KIDINS220: variants seen among roughly 807,000 people sequenced by gnomAD.
KIDINS220 encodes the protein kinase D interacting substrate 220.
In KIDINS220, 63 loss-of-function variants were observed where a neutral mutation model predicts 157.6. The ratio of observed to expected loss-of-function variants is 0.40; its 90% CI spans 0.33 to 0.49. The LOEUF is 0.49. KIDINS220 is among the 20% of genes least tolerant of loss of function. The probability of loss-of-function intolerance (pLI) is 0.66; values close to 1 mark genes in which losing one functional copy is unlikely to be tolerated. For synonymous variants in KIDINS220, 732 were observed against 783.6 expected (o/e 0.93, Z 1.10); for missense variants, 1,772 against 2,171.2 (o/e 0.82, Z 3.65).
chr2:8,814,526 T>C (rs1309276426), intron 4 of KIDINS220, among the ~76,000 whole-genome samples: 1 of 152,094 alleles, frequency 6.6e-6, no homozygotes, highest in African/African-American at 2.4e-5. Flanking sequence ...GGAAGGGAAG[T>C]AGGCACTCTT....
chr2:8,789,376 C>G (rs965059052), intron 14 of KIDINS220, among the ~76,000 whole-genome samples: 3 of 149,370 alleles, frequency 2.0e-5, no homozygotes, highest in Non-Finnish European at 3.0e-5. Context: ...CAACCTCCCC[C>G]TCCCAGGTTC....
downstream of KIDINS220, among the ~76,000 whole-genome samples, chr2:8,725,822 G>A (rs115396843): frequency 3.9e-5 from 6 of 152,264 alleles, no homozygotes; most frequent in African/African-American, 9.6e-5. Flanking sequence ...ATTTACTCAC[G>A]TTCTAAGAAT....
intron 4 of KIDINS220, among the ~76,000 whole-genome samples, chr2:8,817,353 T>C (rs545773373): frequency 2.6e-4 from 40 of 152,206 alleles, no homozygotes; most frequent in Non-Finnish European, 5.4e-4. Context: ...AACATTGATA[T>C]ATTAAAGAGT....
intron 22 of KIDINS220, among the ~76,000 whole-genome samples, chr2:8,759,518 G>A (rs1304877454): frequency 6.7e-6 from 1 of 150,240 alleles, no homozygotes; most frequent in African/African-American, 2.5e-5. Flanking sequence ...CTTAAACTCA[G>A]TAGAATGTCA....
At chr2:8,773,560 C>T (rs1670527437) in intron 21 of KIDINS220, among the ~76,000 whole-genome samples, 1 of 151,856 alleles carries the variant, frequency 6.6e-6, no homozygotes, top group South Asian at 2.1e-4. Context: ...GCAAACTCTG[C>T]CTCCTGGGTT....
At chr2:8,773,864 C>T (rs1670572103) in intron 21 of KIDINS220, among the ~76,000 whole-genome samples, 1 of 152,162 alleles carries the variant, frequency 6.6e-6, no homozygotes, top group African/African-American at 2.4e-5. Context: ...AATTCCACCC[C>T]AGAGCCTTCA....
chr2:8,734,884 A>G, intron 27 of KIDINS220, 131 bp from the exon 28 acceptor site: 2 of 589,276 alleles, frequency 3.4e-6, no homozygotes, highest in South Asian at 5.3e-5. Flanking sequence ...TGACCAAAAA[A>G]AAGGTTATCA....
chr2:8,785,914 G>T lies in KIDINS220; in HGVS notation c.2056C>A (p.His686Asn). The T allele has an allele frequency of 6.2e-7, 1 of 1,614,164 alleles. No homozygotes were observed. Among genetic ancestry groups the T allele is most frequent in the South Asian group, 1.1e-5 (1 of 91,088 alleles). Reference sequence around the variant, plus strand: ...ATGAGGACAGCATTTACAGTCAGATGCTTTGGGTCAACTCTAAATATAGCC... The same window carrying T: ...ATGAGGACAGCATTTACAGTCAGATTCTTTGGGTCAACTCTAAATATAGCC... ...LLAIFRVDPKHLTVNAVLISI... is the reference protein window; with the variant it reads ...LLAIFRVDPKNLTVNAVLISI... Residue 686 changes from histidine (H) to asparagine (N), a missense_variant, in exon 17 of 30, where the codon CAT becomes AAT. By Grantham distance (68) the His-to-Asn change is moderately conservative. Transcript: ENST00000256707.
rs565180109 is a variant in KIDINS220, at chr2:8,787,395, G to T, written c.1788-1038C>A. On this transcript the variant is annotated intron_variant, in intron 15 of 29. Transcript: ENST00000256707. Reference sequence around the variant, plus strand: ...TTAATGCTTTTTTTTTTTGAGCAGGGTCTCACTTTGTCACCTAGGCTGCAG... The same window carrying T: ...TTAATGCTTTTTTTTTTTGAGCAGGTTCTCACTTTGTCACCTAGGCTGCAG... 2.7e-5 allele frequency among the ~76,000 whole-genome samples: 4 copies of T among 150,056 alleles called. No individual in the cohort carries two copies. In the East Asian group the frequency reaches 5.8e-4, roughly 22 times the overall value.
intron 3 of KIDINS220, 100 bp from the exon 4 acceptor site, chr2:8,817,816 A>T (rs1677307207): frequency 4.0e-6 from 3 of 753,542 alleles, no homozygotes; most frequent in South Asian, 4.0e-5. Context: ...GATCATACCA[A>T]GTTGACATGG....
intron 24 of KIDINS220, chr2:8,749,266 T>C: frequency 3.0e-6 from 1 of 332,846 alleles, no homozygotes; most frequent in Middle Eastern, 3.9e-4. Flanking sequence ...TGAGATGTAT[T>C]TACACAGGCA....
rs778244381 is a variant in KIDINS220, at chr2:8,730,709, G to T, written c.*11C>A. 20 of 1,610,072 alleles carry T rather than the reference G, an allele frequency of 1.2e-5. No individual in the cohort carries two copies. The South Asian group carries it at 2.2e-4, about 18-fold the overall frequency. ...AGGTACAGTAACACTCTTCTCCTTT[G>T]CTTGTTTTTCTCAAAGAATGCTTTC... On this transcript the variant is annotated 3_prime_UTR_variant, in exon 30 of 30. Coordinates refer to ENST00000256707, the MANE Select transcript of KIDINS220 (RefSeq NM_020738.4).
chr2:8,768,793 A>G (rs1024888525), intron 22 of KIDINS220, among the ~76,000 whole-genome samples: 2 of 152,168 alleles, frequency 1.3e-5, no homozygotes, highest in Non-Finnish European at 2.9e-5. Context: ...TTATTCTCAC[A>G]TACTTTAATA....
chr2:8,801,516 G>T (rs1674686744), intron 8 of KIDINS220, among the ~76,000 whole-genome samples: 1 of 152,150 alleles, frequency 6.6e-6, no homozygotes, highest in Non-Finnish European at 1.5e-5. Context: ...TCCTACCTCT[G>T]GAAGAATTTA....
intron 3 of KIDINS220, 58 bp downstream of exon 3, chr2:8,818,637 C>CA (rs1044990466): frequency 2.3e-5 from 25 of 1,085,896 alleles, no homozygotes; most frequent in Non-Finnish European, 3.0e-5. Context: ...TTCTGAAAAA[C>CA]AAAAAAATAG....
At chr2:8,760,543 C>T (rs1414685457) in intron 22 of KIDINS220, among the ~76,000 whole-genome samples, 5 of 152,152 alleles carry the variant, frequency 3.3e-5, no homozygotes, top group Non-Finnish European at 7.4e-5. Flanking sequence ...TAAATGAAAA[C>T]ATCCTGTCAT....
chr2:8,812,351 G>T, intron 6 of KIDINS220, 44 bp downstream of exon 6: 1 of 986,790 alleles, frequency 1.0e-6, no homozygotes, highest in Non-Finnish European at 1.5e-6. Context: ...GACACTGAGT[G>T]GACATAACAT....
chr2:8,727,598 AT>A (rs1303802437), downstream of KIDINS220, among the ~76,000 whole-genome samples: 1 of 152,214 alleles, frequency 6.6e-6, no homozygotes, highest in Non-Finnish European at 1.5e-5. Flanking sequence ...AATGGTTAGT[AT>A]TTGTAAGAAA....
rs2148262389 is a variant in KIDINS220 at position 8,788,682 on chromosome 2, C to T, written c.1752G>A (p.Glu584=). ...LLKLMFVNPP[E]LPEQTTKALP... ...AAGCTTTAGTAGTCTGCTCTGGCAA[C>T]TCAGGTGGATTCACAAACATCAATT... The change falls in exon 15 of 30, where the codon GAG becomes GAA. Residue 584 remains glutamate (E), a synonymous_variant. Transcript: ENST00000256707. 1 of 1,614,178 alleles carries T rather than the reference C, an allele frequency of 6.2e-7. No individual in the cohort carries two copies. Among genetic ancestry groups the T allele is most frequent in the Non-Finnish European group, 8.5e-7 (1 of 1,180,000 alleles).
Sources: gnomAD v4.1 joint callset for allele counts (sites outside exome capture counted in the v4.1 genomes callset) on GRCh38, gnomAD v4.1.1 for gene constraint, MANE v1.5 for transcripts, NCBI Gene and HGNC (gene_info 2026-07-23, HGNC 2026-07-21) for gene names.